The following CCL28 variants were observed in gnomAD, a reference collection of about 807,000 sequenced individuals.
CCL28 encodes the protein C-C motif chemokine ligand 28, also known as C-C motif chemokine 28.
Under a neutral mutation model 7.1 loss-of-function variants are expected in CCL28, and 4 were observed. The ratio of observed to expected loss-of-function variants is 0.56; its 90% confidence interval spans 0.28 to 1.29. The LOEUF is 1.29. CCL28 is among the 50% of genes most tolerant of loss of function. The pLI is 0.11. For synonymous variants in CCL28, 55 were observed against 57.8 expected (o/e 0.95, Z 0.22); for missense variants, 151 against 163.4 (o/e 0.92, Z 0.41).
At chr5:43,369,216 G>C in the CCL28 span, among the ~76,000 whole-genome samples, 1 of 152,084 alleles carries the variant, frequency 6.6e-6, no homozygotes, top group African/African-American at 2.4e-5. Context: ...GATTGCTTAA[G>C]GGCCTGAACA....
chr5:43,394,721 T>C (rs1421091226), intron 1 of CCL28, among the ~76,000 whole-genome samples: 1 of 152,136 alleles, frequency 6.6e-6, no homozygotes, highest in Non-Finnish European at 1.5e-5. Context: ...TAAATCGTCA[T>C]TTTCATCTCT....
chr5:43,370,892 C>T, the CCL28 span, among the ~76,000 whole-genome samples: 1 of 152,076 alleles, frequency 6.6e-6, no homozygotes, highest in Admixed American at 6.6e-5. Flanking sequence ...CAGGCACCCA[C>T]CACCATGACC....
intron 1 of CCL28, among the ~76,000 whole-genome samples, chr5:43,410,050 G>T (rs1456957128): frequency 6.6e-6 from 1 of 152,208 alleles, no homozygotes; most frequent in African/African-American, 2.4e-5. Flanking sequence ...ACACCATTAA[G>T]ATAAGGGAAC....
At chr5:43,386,904 G>A (rs1051083602) in intron 2 of CCL28, among the ~76,000 whole-genome samples, 1 of 152,202 alleles carries the variant, frequency 6.6e-6, no homozygotes. Flanking sequence ...ACTCTAGGCA[G>A]ACAGAACCCA....
chr5:43,396,301 G>C (rs1740801410), intron 1 of CCL28, among the ~76,000 whole-genome samples: 1 of 152,154 alleles, frequency 6.6e-6, no homozygotes, highest in Non-Finnish European at 1.5e-5. Context: ...TTTTGGTTTT[G>C]GTAGGATTTA....
downstream of CCL28, among the ~76,000 whole-genome samples, chr5:43,378,661 T>A (rs549699779): frequency 6.6e-6 from 1 of 152,204 alleles, no homozygotes; most frequent in Non-Finnish European, 1.5e-5. Flanking sequence ...AAAATGTAAT[T>A]TCTTTAAGAA....
At position 43,412,301 on chromosome 5, in the gene CCL28, G is replaced by C; in HGVS notation, c.16C>G (p.Leu6Val). Residue 6 changes from leucine to valine, a missense_variant, in exon 1 of 3, where the codon CTC (leucine) becomes GTC (valine). Coordinates refer to ENST00000361115, the MANE Select transcript of CCL28 (RefSeq NM_148672.3). MQQRG[L>V]AIVALAVCAA... ...CAGACAGCCAAGGCCACGATGGCGA[G>C]TCCTCTCTGCTGCATTCCTGCCTGC... The C allele has an allele frequency of 6.2e-7, 1 of 1,612,988 alleles. No individual in the cohort carries two copies. The highest frequency in any genetic ancestry group is 1.3e-5 in the African/African-American group (1 of 75,052).
chr5:43,398,283 G>C (rs1740898202), intron 1 of CCL28, among the ~76,000 whole-genome samples: 1 of 152,108 alleles, frequency 6.6e-6, no homozygotes, highest in African/African-American at 2.4e-5. Context: ...GAGTGCAGTA[G>C]TACAAACACA....
At chr5:43,377,631 G>A (rs1413071442), downstream of CCL28, 2 of 148,566 alleles carry the variant, frequency 1.3e-5, no homozygotes, top group Non-Finnish European at 3.0e-5. Flanking sequence ...GCACTGGGAT[G>A]AGGAGAAAGA....
chr5:43,373,819 C>T (rs140356762), downstream of CCL28, among the ~76,000 whole-genome samples: 178 of 152,298 alleles, frequency 1.2e-3, no homozygotes, highest in South Asian at 2.5e-3. Flanking sequence ...TTCCAGAAGC[C>T]GTTTCTCCTG....
intron 2 of CCL28, 114 bp downstream of exon 2, chr5:43,388,236 G>T: frequency 7.5e-7 from 1 of 1,339,676 alleles, no homozygotes; most frequent in Non-Finnish European, 1.0e-6. Context: ...TCCCTCCCTT[G>T]TTTGGATGAT....
chr5:43,389,568 T>G (rs1740485297), intron 1 of CCL28, among the ~76,000 whole-genome samples: 1 of 152,216 alleles, frequency 6.6e-6, no homozygotes, highest in Non-Finnish European at 1.5e-5. Context: ...TGGTAGCAAT[T>G]AAGAATCACA....
intron 2 of CCL28, among the ~76,000 whole-genome samples, chr5:43,383,421 T>C (rs1740201904): frequency 6.6e-6 from 1 of 152,154 alleles, no homozygotes; most frequent in Admixed American, 6.5e-5. Flanking sequence ...TCAGCTAATG[T>C]AGGGACTACT....
At chr5:43,407,299 A>T (rs1741324519) in intron 1 of CCL28, among the ~76,000 whole-genome samples, 1 of 152,234 alleles carries the variant, frequency 6.6e-6, no homozygotes, top group African/African-American at 2.4e-5. Flanking sequence ...ACAGAGATAT[A>T]GGCCAATGGA....
At chr5:43,363,593 G>A in the CCL28 span, among the ~76,000 whole-genome samples, 1 of 152,212 alleles carries the variant, frequency 6.6e-6, no homozygotes, top group Non-Finnish European at 1.5e-5. Context: ...AGTCCCTGGT[G>A]TCAAGCCCGA....
the CCL28 span, among the ~76,000 whole-genome samples, chr5:43,358,681 C>T: frequency 6.6e-6 from 1 of 152,188 alleles, no homozygotes; most frequent in South Asian, 2.1e-4. Flanking sequence ...CTGAGCAACT[C>T]TTATGTCAAG....
downstream of CCL28, among the ~76,000 whole-genome samples, chr5:43,373,364 G>C (rs537377716): frequency 2.6e-5 from 4 of 152,072 alleles, no homozygotes; most frequent in South Asian, 8.3e-4. Flanking sequence ...GCAGTGGCGT[G>C]ATCTCGGCTC....
chr5:43,398,606 T>G (rs2111844220), intron 1 of CCL28, among the ~76,000 whole-genome samples: 1 of 152,322 alleles, frequency 6.6e-6, no homozygotes, highest in East Asian at 1.9e-4. Context: ...ATCCCAGCAC[T>G]TTGGGAGGCC....
At chr5:43,362,850 A>G in the CCL28 span, among the ~76,000 whole-genome samples, 42 of 152,300 alleles carry the variant, frequency 2.8e-4, no homozygotes, top group African/African-American at 1.0e-3. Context: ...ATATATATAC[A>G]TACCAAGTGG....
Sources: gnomAD v4.1 joint callset for allele counts (sites outside exome capture counted in the v4.1 genomes callset) on GRCh38, gnomAD v4.1.1 for gene constraint, MANE v1.5 for transcripts, NCBI Gene and HGNC (gene_info 2026-07-23, HGNC 2026-07-21) for gene names.